Variants in NBAS observed in about 807,000 individuals in gnomAD.
NBAS encodes NBAS subunit of NRZ tethering complex.
Under a neutral mutation model 302.5 loss-of-function variants are expected in NBAS, and 219 were observed. That is an observed-to-expected ratio of 0.72 (90% CI 0.65 to 0.81). NBAS has a LOEUF of 0.81. NBAS is among the 30% of genes least tolerant of loss of function. The pLI, the probability that NBAS is intolerant of heterozygous loss-of-function variation, is 0.00. For synonymous variants in NBAS, 1,118 were observed against 1,021.6 expected, an observed-to-expected ratio of 1.09 and a Z score of -1.80; for missense variants, 2,932 against 2,841.6, an observed-to-expected ratio of 1.03 and a Z score of -0.72.
chr2:14,862,906 G>A, the NBAS span, among the ~76,000 whole-genome samples: 17 of 152,260 alleles, frequency 1.1e-4, no homozygotes, highest in South Asian at 3.3e-3. Context: ...CTCTCTCTGA[G>A]GTTACTGGTG....
In NBAS at chr2:15,442,346, A is replaced by T. The variant is rs199834176; in HGVS notation, c.2340-14552T>A. On this transcript the variant is annotated intron_variant, in intron 21 of 51. Transcript: ENST00000281513. The stretch of plus-strand genomic sequence containing the variant: ...TCAAACTAGAACTCAGGATTAAGAA[A>T]CTCACTCAAAACCGCTCAACTACAT... Among the ~76,000 whole-genome samples the T allele has an allele frequency of 1.7e-4, 25 of 150,364 alleles. 1 individual carries two copies. In the East Asian group the frequency reaches 3.7e-3, roughly 22 times the overall value.
chr2:14,783,401 T>G, the NBAS span, among the ~76,000 whole-genome samples: 5 of 151,478 alleles, frequency 3.3e-5, no homozygotes, highest in Non-Finnish European at 7.4e-5. Flanking sequence ...ACATGTGCCA[T>G]GCTGGTGTGC....
intron 48 of NBAS, among the ~76,000 whole-genome samples, chr2:15,213,238 T>A (rs1356236236): frequency 6.6e-6 from 1 of 152,238 alleles, no homozygotes; most frequent in African/African-American, 2.4e-5. Flanking sequence ...CCCTAGAGTG[T>A]AGCACAGTGC....
intron 49 of NBAS, among the ~76,000 whole-genome samples, chr2:15,188,585 A>G (rs761250559): frequency 1.3e-5 from 2 of 152,216 alleles, no homozygotes; most frequent in African/African-American, 4.8e-5. Context: ...TAATGATTTA[A>G]TAAAGCAGTT....
At chr2:15,226,577 T>C (rs987638181) in intron 47 of NBAS, among the ~76,000 whole-genome samples, 3 of 152,196 alleles carry the variant, frequency 2.0e-5, no homozygotes, top group South Asian at 2.1e-4. Flanking sequence ...CTACCTTTAA[T>C]TGTAGATGTA....
At chr2:15,187,426 G>A (rs1368191118) in intron 49 of NBAS, among the ~76,000 whole-genome samples, 1 of 152,038 alleles carries the variant, frequency 6.6e-6, no homozygotes, top group East Asian at 1.9e-4. Context: ...TGGGGTCAGG[G>A]CAGGACTAAG....
chr2:15,117,375 C>A, the NBAS span, among the ~76,000 whole-genome samples: 3 of 152,320 alleles, frequency 2.0e-5, no homozygotes, highest in South Asian at 6.2e-4. Context: ...TCAGACCTTG[C>A]TGCTCACCTG....
At chr2:15,319,145 A>T (rs1436299332) in intron 38 of NBAS, among the ~76,000 whole-genome samples, 1 of 152,234 alleles carries the variant, frequency 6.6e-6, no homozygotes, top group Non-Finnish European at 1.5e-5. Context: ...CTCCTGAATA[A>T]CTACTGGGTA....
the NBAS span, among the ~76,000 whole-genome samples, chr2:14,868,130 T>A: frequency 6.6e-6 from 1 of 152,158 alleles, no homozygotes. Context: ...AGACTGAAGG[T>A]CACAGAAGCT....
At chr2:15,157,885 A>T in the NBAS span, among the ~76,000 whole-genome samples, 1 of 152,152 alleles carries the variant, frequency 6.6e-6, no homozygotes, top group South Asian at 2.1e-4. Flanking sequence ...AATGAACATA[A>T]GAGTATCACA....
the NBAS span, among the ~76,000 whole-genome samples, chr2:15,033,971 G>C: frequency 8.2e-6 from 1 of 122,002 alleles, no homozygotes; most frequent in African/African-American, 3.0e-5. Flanking sequence ...AGAAGAGGAA[G>C]AAAAGAGGAA....
intron 44 of NBAS, among the ~76,000 whole-genome samples, chr2:15,252,850 A>G (rs1668426704): frequency 6.6e-6 from 1 of 152,226 alleles, no homozygotes; most frequent in South Asian, 2.1e-4. Flanking sequence ...CTATCCTGGA[A>G]GAACATACAT....
At chr2:15,548,423 C>G (rs1238319173) in intron 6 of NBAS, among the ~76,000 whole-genome samples, 1 of 152,142 alleles carries the variant, frequency 6.6e-6, no homozygotes, top group Non-Finnish European at 1.5e-5. Flanking sequence ...AGGTGGATCA[C>G]CTGAGGTCAG....
chr2:14,920,075 G>A, the NBAS span, among the ~76,000 whole-genome samples: 21 of 152,150 alleles, frequency 1.4e-4, no homozygotes, highest in Admixed American at 1.4e-3. Context: ...ATAGCCTTAT[G>A]AAATATATTT....
chr2:15,105,610 C>G, the NBAS span, among the ~76,000 whole-genome samples: 1 of 152,086 alleles, frequency 6.6e-6, no homozygotes, highest in Non-Finnish European at 1.5e-5. Context: ...TCAGGACCAA[C>G]GACAGAGCTC....
At chr2:15,452,835 T>G (rs2148542330) in intron 21 of NBAS, among the ~76,000 whole-genome samples, 1 of 152,338 alleles carries the variant, frequency 6.6e-6, no homozygotes, top group Middle Eastern at 3.4e-3. Context: ...TTATTTACTT[T>G]GTCACACTAC....
the NBAS span, among the ~76,000 whole-genome samples, chr2:14,917,004 T>C: frequency 6.6e-6 from 1 of 152,226 alleles, no homozygotes; most frequent in Admixed American, 6.5e-5. Flanking sequence ...AGTCATGTGC[T>C]GACTGGACCA....
intron 48 of NBAS, 100 bp from the exon 49 acceptor site, chr2:15,190,503 T>C: frequency 7.3e-7 from 1 of 1,376,202 alleles, no homozygotes; most frequent in South Asian, 1.3e-5. Context: ...TTTTAAAATG[T>C]TTTACAATGT....
chr2:15,370,303 TTTTAA>T (rs922592992), intron 31 of NBAS, among the ~76,000 whole-genome samples: 5 of 152,068 alleles, frequency 3.3e-5, no homozygotes, highest in African/African-American at 9.6e-5. Context: ...TAGGGTATGG[TTTTAA>T]TTTGAGACAG....
Sources: gnomAD v4.1 joint callset for allele counts (sites outside exome capture counted in the v4.1 genomes callset) on GRCh38, gnomAD v4.1.1 for gene constraint, MANE v1.5 for transcripts, NCBI Gene and HGNC (gene_info 2026-07-23, HGNC 2026-07-21) for gene names.